EPHX1: variants seen among roughly 807,000 people sequenced by gnomAD.
The protein encoded by EPHX1 is epoxide hydrolase 1, also known as epoxide hydratase.
A neutral mutation model predicts 43.2 loss-of-function variants in EPHX1; 40 were observed. The ratio of observed to expected loss-of-function variants is 0.93; its 90% CI spans 0.72 to 1.21. EPHX1 has a LOEUF of 1.21. Among genes scored for constraint, EPHX1 ranks in the 50% most tolerant of loss-of-function variants. The pLI, the probability that EPHX1 is intolerant of heterozygous loss-of-function variation, is 0.00. For missense variants in EPHX1, 550 were observed against 570.4 expected (o/e 0.96, Z 0.36); for synonymous variants, 221 against 226.7 (o/e 0.98, Z 0.22).
intron 2 of EPHX1, 45 bp downstream of exon 2, chr1:225,828,957 G>A (rs1331393161): frequency 6.5e-7 from 1 of 1,550,206 alleles, no homozygotes; most frequent in Non-Finnish European, 8.7e-7. Flanking sequence ...GGAGAGGGTG[G>A]TGTGTCGAAG....
chr1:225,819,596 G>A (rs1229771668), intron 1 of EPHX1, among the ~76,000 whole-genome samples: 2 of 152,152 alleles, frequency 1.3e-5, no homozygotes, highest in Non-Finnish European at 2.9e-5. Context: ...ATCTGTGGCG[G>A]AGTGAAGGAG....
At chr1:225,842,535 C>T (rs1668516971) in intron 7 of EPHX1, 61 bp downstream of exon 7, 1 of 1,153,832 alleles carries the variant, frequency 8.7e-7, no homozygotes, top group African/African-American at 1.5e-5. Context: ...CCTCCTCACC[C>T]TCTTCATCCC....
chr1:225,823,232 A>G (rs1030598185), intron 1 of EPHX1, among the ~76,000 whole-genome samples: 6 of 150,438 alleles, frequency 4.0e-5, no homozygotes, highest in Non-Finnish European at 8.8e-5. Context: ...GGGTCTTGCT[A>G]TGTTGCCCAG....
chr1:225,824,824 C>G (rs1667154051), intron 1 of EPHX1, among the ~76,000 whole-genome samples: 1 of 152,134 alleles, frequency 6.6e-6, no homozygotes, highest in Non-Finnish European at 1.5e-5. Flanking sequence ...GGGTTGGAAA[C>G]CCACCCCCAC....
At chr1:225,833,751 C>T (rs991992793) in intron 3 of EPHX1, among the ~76,000 whole-genome samples, 5 of 144,020 alleles carry the variant, frequency 3.5e-5, no homozygotes, top group Admixed American at 7.2e-5. Flanking sequence ...GCTGAGATCA[C>T]ACCACTGCAC....
In EPHX1 at chr1:225,835,452, C is replaced by G. The variant is rs547760768; in HGVS notation, c.365-3202C>G. ...TCACCCAGGCTGGAGTGCAGTGACG[C>G]AATCTCGACTCACTGCAAGCTCCGC... On this transcript the variant is annotated intron_variant, in intron 3 of 8. Transcript: ENST00000272167. Among the ~76,000 whole-genome samples the G allele has an allele frequency of 3.1e-3, 451 of 147,012 alleles. 1 individual carries two copies. Among genetic ancestry groups the G allele is most frequent in the Non-Finnish European group, 5.0e-3 (340 of 67,420 alleles).
chr1:225,824,586 C>T (rs766194777), intron 1 of EPHX1, among the ~76,000 whole-genome samples: 1 of 152,208 alleles, frequency 6.6e-6, no homozygotes, highest in Non-Finnish European at 1.5e-5. Context: ...CGAGCTCCTT[C>T]GCCAGGCGGC....
chr1:225,810,249 G>A lies in EPHX1; in HGVS notation c.-6+80G>A, dbSNP rs899516244. 2 of 151,316 alleles carry A rather than the reference G, an allele frequency of 1.3e-5. 1 individual carries two copies. Among genetic ancestry groups the A allele is most frequent in the South Asian group, 4.1e-4 (2 of 4,828 alleles). The allele number at this position is 151,316 out of a possible 1,614,324, so 9.4% of individuals were successfully genotyped here. Reference sequence around the variant, plus strand: ...GCTCCGCGCGGGCTCGGCCGCCGGGGTGGGCGGCGGGCCGGGGCGCCGAGG... The same window carrying A: ...GCTCCGCGCGGGCTCGGCCGCCGGGATGGGCGGCGGGCCGGGGCGCCGAGG... On this transcript the variant is annotated intron_variant, in intron 1 of 8. Coordinates refer to ENST00000272167, the MANE Select transcript of EPHX1 (RefSeq NM_001136018.4).
intron 3 of EPHX1, among the ~76,000 whole-genome samples, chr1:225,835,927 G>A (rs537004889): frequency 1.3e-4 from 20 of 152,210 alleles, no homozygotes; most frequent in African/African-American, 4.8e-4. Flanking sequence ...TGAATTCATC[G>A]TGGACTTACC....
rs1157908849 is a variant in EPHX1, at chr1:225,810,138, C to T, written c.-37C>T. 1 of 151,776 alleles carries T rather than the reference C, an allele frequency of 6.6e-6. No homozygotes were observed. Among genetic ancestry groups the T allele is most frequent in the African/African-American group, 2.4e-5 (1 of 41,408 alleles). The allele number at this position is 151,776 out of a possible 1,614,324, so 9.4% of individuals were successfully genotyped here. On this transcript the variant is annotated 5_prime_UTR_variant, in exon 1 of 9. Coordinates refer to ENST00000272167, the MANE Select transcript of EPHX1 (RefSeq NM_001136018.4). ...GCCAGGGAGCCGGAGAGATCGCGCG[C>T]CTGCCGCCGCCGGAGCCTGCGAGCC...
intron 4 of EPHX1, 57 bp downstream of exon 4, chr1:225,838,938 T>A (rs1668135997): frequency 1.9e-6 from 3 of 1,563,980 alleles, no homozygotes; most frequent in Non-Finnish European, 2.6e-6. Flanking sequence ...GTGGGCCCGG[T>A]GTTCCCACCA....
intron 1 of EPHX1, chr1:225,810,509 C>T (rs1666422801): frequency 6.6e-6 from 1 of 152,024 alleles, no homozygotes; most frequent in Non-Finnish European, 1.5e-5. Flanking sequence ...AGCTCTGCTT[C>T]CAGGGCCGTG....
chr1:225,820,278 G>A (rs1376568722), intron 1 of EPHX1, among the ~76,000 whole-genome samples: 1 of 151,904 alleles, frequency 6.6e-6, no homozygotes, highest in Non-Finnish European at 1.5e-5. Context: ...TAGTAGAGAC[G>A]GAGTTTCACC....
intron 6 of EPHX1, among the ~76,000 whole-genome samples, chr1:225,841,548 T>G (rs569911289): frequency 6.6e-6 from 1 of 151,128 alleles, no homozygotes; most frequent in African/African-American, 2.4e-5. Context: ...CCTCCCAAAG[T>G]GCTGGGATTA....
chr1:225,837,769 C>T (rs1357558894), intron 3 of EPHX1, among the ~76,000 whole-genome samples: 1 of 152,176 alleles, frequency 6.6e-6, no homozygotes, highest in Non-Finnish European at 1.5e-5. Flanking sequence ...ATCCACCCGC[C>T]TCAGCCTTCC....
chr1:225,838,098 C>T (rs1030882644), intron 3 of EPHX1, among the ~76,000 whole-genome samples: 41 of 152,172 alleles, frequency 2.7e-4, no homozygotes, highest in African/African-American at 9.9e-4. Context: ...AACTGGGTCA[C>T]ACAATGGATA....
chr1:225,818,218 A>C (rs576045695), intron 1 of EPHX1, among the ~76,000 whole-genome samples: 5 of 152,182 alleles, frequency 3.3e-5, no homozygotes, highest in South Asian at 2.1e-4. Flanking sequence ...TTAATTTTCT[A>C]TGCTCTCATT....
chr1:225,823,627 G>T (rs1013757024), intron 1 of EPHX1, among the ~76,000 whole-genome samples: 2 of 152,210 alleles, frequency 1.3e-5, no homozygotes, highest in African/African-American at 4.8e-5. Context: ...GGGTGATGCA[G>T]CCCTGCTCTG....
At chr1:225,828,266 C>T (rs1332301133) in intron 1 of EPHX1, among the ~76,000 whole-genome samples, 4 of 151,922 alleles carry the variant, frequency 2.6e-5, no homozygotes, top group Middle Eastern at 3.4e-3. Flanking sequence ...ATGGTGGGAA[C>T]CTGGGAGGCA....
Sources: allele counts gnomAD v4.1 joint callset (sites outside exome capture counted in the v4.1 genomes callset), GRCh38; gene constraint gnomAD v4.1.1; transcripts MANE v1.5; gene names NCBI Gene and HGNC (gene_info 2026-07-23, HGNC 2026-07-21).